The following MIGA1 variants were observed in gnomAD, a reference collection of about 807,000 sequenced individuals.
The protein encoded by MIGA1 is family with sequence similarity 73, member A.
MIGA1 carries 58 observed loss-of-function variants against 82.0 expected under a neutral mutation model. The observed-to-expected ratio is 0.71, with a 90% confidence interval of 0.57 to 0.88. The LOEUF (loss-of-function observed/expected upper bound fraction) is 0.88, where lower values mean the gene tolerates loss of function less well. MIGA1 is among the 40% of genes least tolerant of loss of function. The pLI, the probability that MIGA1 is intolerant of heterozygous loss-of-function variation, is 0.00. For synonymous variants in MIGA1, 249 were observed against 253.6 expected (o/e 0.98, Z 0.17); for missense variants, 751 against 749.1 (o/e 1.00, Z -0.03).
rs2101999468 is a variant in MIGA1, at chr1:77,878,866, A to G, written c.*3802A>G. ...AAGAACTTTGTCTTTCTCATAAAGT[A>G]ATATTCTTTATTTGCATCCATTTAC... is the stretch of plus-strand genomic sequence containing the variant. On this transcript the variant is annotated 3_prime_UTR_variant, in exon 16 of 16. Transcript: ENST00000370791. 4 of 366,978 alleles carry G rather than the reference A, an allele frequency of 1.1e-5. No individual in the cohort carries two copies. Among genetic ancestry groups the G allele is most frequent in the Middle Eastern group, 7.0e-4 (1 of 1,422 alleles). 22.7% of individuals were successfully genotyped at this position (366,978 alleles called of 1,614,324 possible).
chr1:77,815,905 A>G (rs1352405620), intron 7 of MIGA1, among the ~76,000 whole-genome samples: 1 of 151,196 alleles, frequency 6.6e-6, no homozygotes, highest in Non-Finnish European at 1.5e-5. Context: ...AATTAAAAAA[A>G]TTTTTTTTGT....
At chr1:77,783,889 G>C (rs545804583) in intron 2 of MIGA1, among the ~76,000 whole-genome samples, 1 of 152,232 alleles carries the variant, frequency 6.6e-6, no homozygotes, top group African/African-American at 2.4e-5. Context: ...AATTCGACCA[G>C]GTACCTCACA....
chr1:77,859,581 C>T (rs1269818536), intron 10 of MIGA1, 195 bp downstream of exon 10: 4 of 523,332 alleles, frequency 7.6e-6, no homozygotes, highest in African/African-American at 7.5e-5. Context: ...TTATCCTCTC[C>T]CATGGCTTCC....
At chr1:77,810,839 T>A in intron 5 of MIGA1, 1 of 1,607,432 alleles carries the variant, frequency 6.2e-7, no homozygotes, top group East Asian at 2.2e-5. Context: ...TTCACAGAAG[T>A]TCCAGGTTCA....
intron 8 of MIGA1, among the ~76,000 whole-genome samples, chr1:77,854,807 A>G (rs1289535774): frequency 6.6e-6 from 1 of 152,048 alleles, no homozygotes; most frequent in African/African-American, 2.4e-5. Context: ...CCTTTATCAG[A>G]TGTAGAGATT....
At chr1:77,873,444 T>C (rs1171042616) in intron 15 of MIGA1, among the ~76,000 whole-genome samples, 1 of 152,200 alleles carries the variant, frequency 6.6e-6, no homozygotes, top group Non-Finnish European at 1.5e-5. Flanking sequence ...CAAATCAATG[T>C]AGATAGTTGG....
intron 8 of MIGA1, chr1:77,847,226 C>G: frequency 8.8e-7 from 1 of 1,133,124 alleles, no homozygotes; most frequent in South Asian, 1.2e-5. Context: ...GATGAGACCT[C>G]CATGAGTGAA....
At position 77,815,229 on chromosome 1, in the gene MIGA1, T is replaced by C. The variant is rs1309940686; in HGVS notation, c.893T>C (p.Ile298Thr). The C allele has an allele frequency of 6.3e-7, 1 of 1,592,866 alleles. No homozygotes were observed. Among genetic ancestry groups the C allele is most frequent in the Non-Finnish European group, 8.5e-7 (1 of 1,169,990 alleles). The change falls in exon 7 of 16, where the codon ATT (isoleucine) becomes ACT (threonine). Residue 298 changes from isoleucine to threonine, a missense_variant and splice_region_variant. By Grantham distance (89) the Ile-to-Thr change is moderately conservative. Around this residue, in one of 3 missense-constraint regions of MIGA1, gnomAD observed 482 missense variants for 439.4 expected, o/e 1.10. Coordinates refer to ENST00000370791, the MANE Select transcript of MIGA1 (RefSeq NM_198549.4). ...GATCCTAATTCCCTTGCTGATGATATTGGTAAGATGGATATTTCATATGGC... is the reference window on the plus strand; with the variant it reads ...GATCCTAATTCCCTTGCTGATGATACTGGTAAGATGGATATTTCATATGGC...
chr1:77,811,072 G>A, intron 5 of MIGA1: 1 of 1,613,182 alleles, frequency 6.2e-7, no homozygotes, highest in Non-Finnish European at 8.5e-7. Flanking sequence ...GAAGATAGCT[G>A]CACCTTTGGT....
intron 14 of MIGA1, among the ~76,000 whole-genome samples, chr1:77,870,263 C>T (rs1478981045): frequency 6.3e-5 from 8 of 127,720 alleles, no homozygotes; most frequent in Non-Finnish European, 8.6e-5. Context: ...GGCTGCCGGG[C>T]GGAGACGCTC....
At chr1:77,823,228 T>C (rs1683897700) in intron 7 of MIGA1, among the ~76,000 whole-genome samples, 1 of 152,070 alleles carries the variant, frequency 6.6e-6, no homozygotes, top group African/African-American at 2.4e-5. Context: ...TTTTTTTAAA[T>C]AGCAGATCCA....
chr1:77,787,497 C>G (rs1029481772), intron 2 of MIGA1, among the ~76,000 whole-genome samples: 34 of 149,826 alleles, frequency 2.3e-4, no homozygotes, highest in African/African-American at 7.8e-4. Flanking sequence ...AAGCAATTCT[C>G]CCTGCCTTAG....
chr1:77,869,744 C>T (rs1290925917), intron 14 of MIGA1, among the ~76,000 whole-genome samples: 3 of 113,142 alleles, frequency 2.7e-5, no homozygotes, highest in African/African-American at 4.0e-5. Flanking sequence ...GCCGACCCCC[C>T]CCCCGCCTGC....
chr1:77,784,730 GAT>G (rs1682071080), intron 2 of MIGA1, among the ~76,000 whole-genome samples: 1 of 152,134 alleles, frequency 6.6e-6, no homozygotes, highest in African/African-American at 2.4e-5. Flanking sequence ...TGCTGATAAA[GAT>G]ATACCCAAGA....
intron 7 of MIGA1, among the ~76,000 whole-genome samples, chr1:77,823,397 C>CTTA (rs1683905336): frequency 6.6e-6 from 1 of 152,060 alleles, no homozygotes; most frequent in African/African-American, 2.4e-5. Flanking sequence ...ACATTGCACA[C>CTTA]TTAAAGGGGG....
At chr1:77,814,463 C>T (rs113452670) in intron 6 of MIGA1, among the ~76,000 whole-genome samples, 3 of 151,834 alleles carry the variant, frequency 2.0e-5, no homozygotes, top group African/African-American at 7.2e-5. Context: ...TAGGAACAAT[C>T]ATAGTACACT....
intron 15 of MIGA1, among the ~76,000 whole-genome samples, chr1:77,873,914 G>A (rs1411837688): frequency 6.6e-6 from 1 of 152,148 alleles, no homozygotes; most frequent in Non-Finnish European, 1.5e-5. Flanking sequence ...CAAATGTAAG[G>A]TATGTGTTTT....
chr1:77,821,633 A>ATCCGCCCGCC (rs1420853284), intron 7 of MIGA1, among the ~76,000 whole-genome samples: 1 of 152,070 alleles, frequency 6.6e-6, no homozygotes, highest in African/African-American at 2.4e-5. Context: ...ACCTCAGGTG[A>ATCCGCCCGCC]TCCGCCCGCC....
intron 2 of MIGA1, among the ~76,000 whole-genome samples, chr1:77,794,474 GTCT>G (rs1319550544): frequency 6.6e-6 from 1 of 152,150 alleles, no homozygotes; most frequent in East Asian, 1.9e-4. Context: ...AGTTGAGTGT[GTCT>G]TATGTTTTCT....
Sources: gnomAD v4.1 joint callset for allele counts (sites outside exome capture counted in the v4.1 genomes callset) on GRCh38, gnomAD v4.1.1 for gene constraint, gnomAD v4.1.1 regional missense constraint, MANE v1.5 for transcripts, NCBI Gene and HGNC (gene_info 2026-07-23, HGNC 2026-07-21) for gene names.